The following ZNF397 variants were observed in gnomAD, a reference collection of about 807,000 sequenced individuals.
The protein encoded by ZNF397 is zinc finger and SCAN domain-containing protein 15.
ZNF397 carries 38 observed loss-of-function variants against 50.6 expected under a neutral mutation model. That is an observed-to-expected ratio of 0.75 (90% confidence interval 0.58 to 0.98). The LOEUF (loss-of-function observed/expected upper bound fraction) is 0.98. Ranked by LOEUF, ZNF397 falls within the 50% of genes least tolerant of loss-of-function variation. The pLI, the probability that ZNF397 is intolerant of heterozygous loss-of-function variation, is 0.00. For missense variants in ZNF397, 624 were observed against 624.1 expected (o/e 1.00, Z 0.00); for synonymous variants, 228 against 215.2 (o/e 1.06, Z -0.52).
intron 5 of ZNF397, chr18:35,254,855 T>TGAACAGAGGTAGCTGGGCA (rs2043741918): frequency 5.8e-6 from 1 of 172,848 alleles, no homozygotes; most frequent in Admixed American, 5.6e-5. Context: ...GAGTTAGCAC[T>TGAACAGAGGTAGCTGGGCA]GAACAGAGGT....
Position 35,246,797 on chromosome 18 carries a change from C to G in ZNF397, c.*487C>G. The G allele has an allele frequency of 1.0e-6, 1 of 984,242 alleles. No individual in the cohort carries two copies. The highest frequency in any genetic ancestry group is 1.2e-6 in the Non-Finnish European group (1 of 830,038). The allele number at this position is 984,242 out of a possible 1,614,324, so 61.0% of individuals were successfully genotyped here. A position where few individuals can be genotyped will look rare whatever the true frequency, so the allele number is the denominator to read the frequency against. On this transcript the variant is annotated 3_prime_UTR_variant, in exon 4 of 4. Coordinates refer to ENST00000330501, the MANE Select transcript of ZNF397 (RefSeq NM_001135178.3). ...GGCTTCATCAATGATTTGTTGAGCC[C>G]AGGGCAGGCCAGGAATTAGATAGGC...
In ZNF397 at chr18:35,247,928, C is replaced by A. The variant is rs367928560; in HGVS notation, c.*1618C>A. On this transcript the variant is annotated 3_prime_UTR_variant, in exon 4 of 4. Coordinates refer to ENST00000330501, the MANE Select transcript of ZNF397 (RefSeq NM_001135178.3). ...CAGGTGATCCGCCCGCCTCGGCCCCCCAAAGTGCTGGGATTACAGGCGTGA... is the reference window on the plus strand; with the variant it reads ...CAGGTGATCCGCCCGCCTCGGCCCCACAAAGTGCTGGGATTACAGGCGTGA... 1 of 152,150 alleles carries A rather than the reference C, an allele frequency of 6.6e-6. No individual in the cohort carries two copies. The highest frequency in any genetic ancestry group is 6.5e-5 in the Admixed American group (1 of 15,272). 9.4% of individuals were successfully genotyped at this position (152,150 alleles called of 1,614,324 possible). A position where few individuals can be genotyped will look rare whatever the true frequency, so the allele number is the denominator to read the frequency against.
rs912438610 is a variant in ZNF397, at chr18:35,246,970, C to T, written c.*660C>T. The T allele has an allele frequency of 3.6e-6, 3 of 844,570 alleles. No individual in the cohort carries two copies. Among genetic ancestry groups the T allele is most frequent in the Middle Eastern group, 6.0e-4 (1 of 1,670 alleles). 52.3% of individuals were successfully genotyped at this position (844,570 alleles called of 1,614,324 possible). On this transcript the variant is annotated 3_prime_UTR_variant, in exon 4 of 4. Coordinates refer to ENST00000330501, the MANE Select transcript of ZNF397 (RefSeq NM_001135178.3). ...GACAGGCAGTGAAAGTGGAATGCTC[C>T]TATGTGACCTTAAGGAGCACCTGAC... is the stretch of plus-strand genomic sequence containing the variant.
chr18:35,253,474 A>G, downstream of ZNF397: 1 of 1,587,068 alleles, frequency 6.3e-7, no homozygotes, highest in Non-Finnish European at 8.6e-7. Flanking sequence ...GTGTTCTCTG[A>G]TGCTGCATAA....
At chr18:35,256,996 G>GAACTCCTGGTCTCA (rs1359195014) in intron 5 of ZNF397, 1 of 153,882 alleles carries the variant, frequency 6.5e-6, no homozygotes, top group African/African-American at 2.4e-5. Context: ...GACTGGTCTT[G>GAACTCCTGGTCTCA]AACTCCTGGT....
downstream of ZNF397, chr18:35,253,905 G>C: frequency 1.2e-6 from 2 of 1,614,112 alleles, no homozygotes; most frequent in Non-Finnish European, 1.7e-6. Context: ...TGTCTAACAA[G>C]GTCTGAGCTC....
rs1216087226 is a variant in ZNF397, at chr18:35,248,806, C to T, written c.*2496C>T. ...TCAGTGAGGCAAGATCACACCACTG[C>T]ACTCCAGCCTGGGAGAGCAAGACCC... On this transcript the variant is annotated 3_prime_UTR_variant, in exon 4 of 4. Coordinates refer to ENST00000330501, the MANE Select transcript of ZNF397 (RefSeq NM_001135178.3). 2 of 152,112 alleles carry T rather than the reference C, an allele frequency of 1.3e-5. No homozygotes were observed. The highest frequency in any genetic ancestry group is 1.9e-4 in the East Asian group (1 of 5,196). 9.4% of individuals were successfully genotyped at this position (152,112 alleles called of 1,614,324 possible). A position where few individuals can be genotyped will look rare whatever the true frequency, so the allele number is the denominator to read the frequency against.
At chr18:35,254,187 GCTGA>G, downstream of ZNF397, 1 of 1,614,158 alleles carries the variant, frequency 6.2e-7, no homozygotes, top group South Asian at 1.1e-5. Context: ...TGGGAAGGAA[GCTGA>G]CTGATTTTGT....
chr18:35,250,529 A>T (rs1394433778), downstream of ZNF397, among the ~76,000 whole-genome samples: 2 of 131,060 alleles, frequency 1.5e-5, no homozygotes, highest in Admixed American at 7.9e-5. Flanking sequence ...AATTTAGTGT[A>T]CTTAACTTTG....
intron 3 of ZNF397, chr18:35,243,573 C>T (rs945810049): frequency 3.3e-6 from 2 of 608,682 alleles, no homozygotes; most frequent in Non-Finnish European, 5.8e-6. Flanking sequence ...GGAGAGGTTT[C>T]AGGTCTAGGT....
downstream of ZNF397, among the ~76,000 whole-genome samples, chr18:35,249,976 C>T (rs2043550868): frequency 6.6e-6 from 1 of 151,984 alleles, no homozygotes; most frequent in Non-Finnish European, 1.5e-5. Flanking sequence ...TTTAAAAGCA[C>T]TTGCTTTTCA....
chr18:35,247,105 A>T lies in ZNF397; in HGVS notation c.*795A>T. The T allele has an allele frequency of 1.0e-5, 10 of 985,602 alleles. No individual in the cohort carries two copies. Among genetic ancestry groups the T allele is most frequent in the Non-Finnish European group, 1.1e-5 (9 of 830,046 alleles). The allele number at this position is 985,602 out of a possible 1,614,324, so 61.1% of individuals were successfully genotyped here. A position where few individuals can be genotyped will look rare whatever the true frequency, so the allele number is the denominator to read the frequency against. ...CAGTAAAGAACAGTAGCCAAAGGCC[A>T]GAAACAAAGTGTGGAGCATTCCTTG... On this transcript the variant is annotated 3_prime_UTR_variant, in exon 4 of 4. Coordinates refer to ENST00000330501, the MANE Select transcript of ZNF397 (RefSeq NM_001135178.3).
In ZNF397 at chr18:35,243,305, G is replaced by A. The variant is rs764510145; in HGVS notation, c.556+12G>A. The A allele has an allele frequency of 6.8e-6, 11 of 1,614,068 alleles. No individual in the cohort carries two copies. The African/African-American group carries it at 1.5e-4, about 22-fold the overall frequency. ...TTCCCCTAAAAGTGGTGAGGAATGG[G>A]AAATCATCTGGAAACTCTTGACACT... On this transcript the variant is annotated intron_variant, in intron 3 of 3. Coordinates refer to ENST00000330501, the MANE Select transcript of ZNF397 (RefSeq NM_001135178.3).
At chr18:35,250,115 GTA>G (rs1179930366), downstream of ZNF397, among the ~76,000 whole-genome samples, 1 of 152,112 alleles carries the variant, frequency 6.6e-6, no homozygotes, top group Non-Finnish European at 1.5e-5. Context: ...AGTCTACAAA[GTA>G]TAAATCTGGG....
downstream of ZNF397, chr18:35,251,570 G>T (rs1043772469): frequency 2.6e-5 from 4 of 152,184 alleles, no homozygotes; most frequent in Non-Finnish European, 5.9e-5. Flanking sequence ...CAGGTGTTGA[G>T]GGAGGGTCGT....
At chr18:35,242,099 T>C (rs1912548147) in intron 1 of ZNF397, among the ~76,000 whole-genome samples, 1 of 152,216 alleles carries the variant, frequency 6.6e-6, no homozygotes, top group Admixed American at 6.5e-5. Context: ...ACAATCAGAA[T>C]TGAAAGAATT....
In ZNF397 at chr18:35,243,608, G is replaced by A; in HGVS notation, c.556+315G>A. 6 of 589,742 alleles carry A rather than the reference G, an allele frequency of 1.0e-5. No homozygotes were observed. In the East Asian group the frequency reaches 1.1e-4, roughly 11 times the overall value. The allele number at this position is 589,742 out of a possible 1,614,324, so 36.5% of individuals were successfully genotyped here. A position where few individuals can be genotyped will look rare whatever the true frequency, so the allele number is the denominator to read the frequency against. On this transcript the variant is annotated intron_variant, in intron 3 of 3. Transcript: ENST00000330501. ...TGGGTGATGGACAAATAAAAAGGCA[G>A]TTGCAATGTAGTAAATTATAGAATA...
downstream of ZNF397, chr18:35,249,927 G>A (rs187707338): frequency 3.5e-4 from 54 of 152,158 alleles, no homozygotes; most frequent in African/African-American, 1.2e-3. Flanking sequence ...AAATTAGGGG[G>A]CAAGAGTGAA....
At position 35,242,722 on chromosome 18, in the gene ZNF397, C is replaced by T. The variant is rs918159537; in HGVS notation, c.252C>T (p.His84=). The change falls in exon 2 of 4, where the codon CAC becomes CAT. Residue 84 remains histidine, a synonymous_variant. Coordinates refer to ENST00000330501, the MANE Select transcript of ZNF397 (RefSeq NM_001135178.3). ...ATCAGTGGCTAATGCCAGAGTTGCA[C>T]ACAAAGGAGCAGATCTTAGAACTGC... ...LCYQWLMPEL[H]TKEQILELLV... is the part of the protein sequence containing the mutation. 34 of 1,614,088 alleles carry T rather than the reference C, an allele frequency of 2.1e-5. No individual in the cohort carries two copies. In the Admixed American group the frequency reaches 4.8e-4, roughly 23 times the overall value.
Sources: gnomAD v4.1 joint callset for allele counts (sites outside exome capture counted in the v4.1 genomes callset) on GRCh38, gnomAD v4.1.1 for gene constraint, MANE v1.5 for transcripts, NCBI Gene and HGNC (gene_info 2026-07-23, HGNC 2026-07-21) for gene names.